Variants in SMTN observed in about 807,000 individuals in gnomAD.
SMTN encodes the protein smoothelin.
A neutral mutation model predicts 102.0 loss-of-function variants in SMTN; 58 were observed. The observed-to-expected ratio is 0.57, with a 90% CI of 0.46 to 0.71. The LOEUF (loss-of-function observed/expected upper bound fraction) is 0.71. SMTN is among the 30% of genes least tolerant of loss of function. SMTN has a pLI of 0.00. For missense variants in SMTN, 1,185 were observed against 1,241.7 expected, an observed-to-expected ratio of 0.95 and a Z score of 0.69; for synonymous variants, 478 against 497.9, an observed-to-expected ratio of 0.96 and a Z score of 0.53.
At chr22:31,088,325 C>T (rs2042856832) in intron 3 of SMTN, 188 bp from the exon 4 acceptor site, 9 of 755,624 alleles carry the variant, frequency 1.2e-5, no homozygotes, top group Admixed American at 2.8e-5. Flanking sequence ...GTAGCCAGCA[C>T]GTCTGAGTGT....
intron 1 of SMTN, chr22:31,082,899 C>T: frequency 1.3e-6 from 2 of 1,548,340 alleles, no homozygotes; most frequent in Non-Finnish European, 1.7e-6. Context: ...CCCTGCCCTC[C>T]CTGTTTTGAG....
rs1257016915 is a variant in SMTN, at chr22:31,073,011, C to CTCTTTT, written c.-385-7438_-385-7437insCTTTTT. 8.2e-5 allele frequency among the ~76,000 whole-genome samples: 7 copies of CTCTTTT among 85,662 alleles called. No individual in the cohort carries two copies. In the South Asian group the frequency reaches 1.3e-3, roughly 16 times the overall value. 56.2% of individuals were successfully genotyped at this position (85,662 alleles called of 152,430 possible). A position where few individuals can be genotyped will look rare whatever the true frequency, so the allele number is the denominator to read the frequency against. The stretch of plus-strand genomic sequence containing the variant: ...GCTGAAGTTGATTCTCTCTCTCTCT[C>CTCTTTT]TTTTTTTTTTTTTTTTTTTTTGAGA... On this transcript the variant is annotated intron_variant, in intron 1 of 3. Transcript: ENST00000422839.
At chr22:31,067,853 T>G (rs1221806109) in intron 1 of SMTN, 1 of 149,286 alleles carries the variant, frequency 6.7e-6, no homozygotes, top group Non-Finnish European at 1.5e-5. Context: ...CCACCGCGCC[T>G]GGCCCACACC....
Position 31,087,884 on chromosome 22 carries a change from C to T in SMTN, c.52-81C>T, listed in dbSNP as rs143187775. 1.5e-3 allele frequency: 2,073 copies of T among 1,418,430 alleles called. 1 individual carries two copies. The highest frequency in any genetic ancestry group is 1.8e-3 in the Non-Finnish European group (1,884 of 1,057,598). The allele number at this position is 1,418,430 out of a possible 1,614,324, so 87.9% of individuals were successfully genotyped here. Reference sequence around the variant, plus strand: ...GAGTGGACACAGGCCACACATTGTGCCCTAGGCAGAGCCGTGGGCAGCTGG... The same window carrying T: ...GAGTGGACACAGGCCACACATTGTGTCCTAGGCAGAGCCGTGGGCAGCTGG... On this transcript the variant is annotated intron_variant, in intron 2 of 20. Coordinates refer to ENST00000333137, the MANE Select transcript of SMTN (RefSeq NM_134269.3).
At chr22:31,071,538 G>A (rs1327147782) in intron 1 of SMTN, among the ~76,000 whole-genome samples, 1 of 151,900 alleles carries the variant, frequency 6.6e-6, no homozygotes, top group Non-Finnish European at 1.5e-5. Context: ...GATCGCTTGA[G>A]CCCAGGAGGT....
chr22:31,088,674 C>T lies in SMTN; in HGVS notation c.295-25C>T, dbSNP rs1428832538. On this transcript the variant is annotated intron_variant, in intron 4 of 20. Coordinates refer to ENST00000333137, the MANE Select transcript of SMTN (RefSeq NM_134269.3). ...AAGACCTGGACTCCACAGCCCAACA[C>T]CCGCGACCTGTCTCTTACCCACAGT... 7.4e-6 allele frequency: 12 copies of T among 1,613,538 alleles called. No individual in the cohort carries two copies. In the Admixed American group the frequency reaches 2.0e-4, roughly 27 times the overall value.
At chr22:31,094,520 T>C (rs931268675) in intron 11 of SMTN, among the ~76,000 whole-genome samples, 1 of 152,176 alleles carries the variant, frequency 6.6e-6, no homozygotes, top group South Asian at 2.1e-4. Flanking sequence ...AGAGCCTGCC[T>C]GGGAGGGGGC....
rs2042432130 is a variant in SMTN, at chr22:31,083,257, A to G, written c.-2A>G. The G allele has an allele frequency of 6.3e-7, 1 of 1,598,136 alleles. No homozygotes were observed. On this transcript the variant is annotated 5_prime_UTR_variant, in exon 2 of 21. Transcript: ENST00000333137. ...GAACCGACGGAGCTAGGGGCCAGCGAGATGGCGGACGAGGCCTTAGCTGGG... is the reference window on the plus strand; with the variant it reads ...GAACCGACGGAGCTAGGGGCCAGCGGGATGGCGGACGAGGCCTTAGCTGGG...
At position 31,088,004 on chromosome 22, in the gene SMTN, C is replaced by T. The variant is rs372195869; in HGVS notation, c.91C>T (p.Arg31Cys). Residue 31 changes from arginine to cysteine, a missense_variant, in exon 3 of 21, where the codon CGC (arginine) becomes TGC (cysteine). Transcript: ENST00000333137. ...AGATCTGGCAGAGCGGCGGCGCATC[C>T]GCTCAGCCATCCGGGAACTGCAGCG... ...TADLAERRRI[R>C]SAIRELQRQE... 13 of 1,609,556 alleles carry T rather than the reference C, an allele frequency of 8.1e-6. No homozygotes were observed. The East Asian group carries it at 8.9e-5, about 11-fold the overall frequency.
rs116479877 is a variant in SMTN at position 31,096,837 on chromosome 22, C to A, written c.1966C>A (p.Arg656=). ...ATETTTRHSQ[R]AADGSAVSTV... The stretch of plus-strand genomic sequence containing the variant: ...TGAGACCACCACGAGGCACAGCCAG[C>A]GGGCAGCTGATGGCTCTGCTGTCAG... The change falls in exon 14 of 21, where the codon CGG becomes AGG. Residue 656 remains arginine (R), a synonymous_variant. Transcript: ENST00000333137. The A allele has an allele frequency of 1.3e-6, 2 of 1,574,548 alleles. No homozygotes were observed. Among genetic ancestry groups the A allele is most frequent in the East Asian group, 4.5e-5 (2 of 44,372 alleles).
In SMTN at chr22:31,101,016, CCA is replaced by C; in HGVS notation, c.2736_2737del (p.Lys914ValfsTer31). On this transcript the variant is annotated frameshift_variant, in exon 20 of 21. Transcript: ENST00000333137. LOFTEE classifies it high-confidence loss of function. ...CTGGTCCAGAAGGGGCTGGTAAAAA[CCA>C]AAAAGTCCTAACCCCTGCTCGGGGC... The C allele has an allele frequency of 6.2e-7, 1 of 1,612,350 alleles. No homozygotes were observed. Among genetic ancestry groups the C allele is most frequent in the Non-Finnish European group, 8.5e-7 (1 of 1,179,272 alleles).
chr22:31,096,970 A>C (rs1229955687), intron 14 of SMTN, 28 bp from the exon 15 acceptor site: 1 of 1,613,820 alleles, frequency 6.2e-7, no homozygotes, highest in East Asian at 2.2e-5. Context: ...TGTGCCTTTC[A>C]CATCCTTCTC....
intron 14 of SMTN, 42 bp downstream of exon 14, chr22:31,096,939 A>G: frequency 6.2e-7 from 1 of 1,612,948 alleles, no homozygotes; most frequent in Non-Finnish European, 8.5e-7. Context: ...CAGGGTGGGA[A>G]CACATCCTCC....
In SMTN at chr22:31,095,261, C is replaced by T. The variant is rs1569260551; in HGVS notation, c.1633-42C>T. 6.2e-7 allele frequency: 1 copy of T among 1,604,682 alleles called. No homozygotes were observed. ...CATTGGAGACATGATGAGTTTCACC[C>T]ATACCCCTGCTTAAAGTCCATGCCC... is the stretch of plus-strand genomic sequence containing the variant. On this transcript the variant is annotated intron_variant, in intron 11 of 20. Coordinates refer to ENST00000333137, the MANE Select transcript of SMTN (RefSeq NM_134269.3). This position sits in a 1 kb window ranked among gnomAD's most constrained non-coding sequence, Gnocchi z 4.1.
At chr22:31,093,993 G>A (rs2043359896) in intron 11 of SMTN, 1 of 727,268 alleles carries the variant, frequency 1.4e-6, no homozygotes, top group African/African-American at 1.8e-5. Flanking sequence ...ACAGGGGACT[G>A]GGGCACTAGT....
In SMTN at chr22:31,082,442, T is replaced by A. The variant is rs549831966; in HGVS notation, c.-80-737T>A. On this transcript the variant is annotated intron_variant, in intron 1 of 20. Transcript: ENST00000333137. ...GGAGATGACGAAGATTTTGATTACA[T>A]CCTTCTCTGCCCTCTAAGTCTTTGG... The A allele has an allele frequency of 2.0e-5, 9 of 458,930 alleles. No individual in the cohort carries two copies. In the East Asian group the frequency reaches 6.3e-4, roughly 32 times the overall value. The allele number at this position is 458,930 out of a possible 1,614,324, so 28.4% of individuals were successfully genotyped here.
chr22:31,088,412 CT>C, intron 3 of SMTN, 100 bp from the exon 4 acceptor site: 24 of 1,051,836 alleles, frequency 2.3e-5, no homozygotes, highest in Admixed American at 1.6e-4. Context: ...ACATGCCCTT[CT>C]GCCAAGGTTC....
intron 16 of SMTN, 59 bp from the exon 17 acceptor site, chr22:31,098,608 G>C: frequency 6.4e-7 from 1 of 1,564,188 alleles, no homozygotes; most frequent in Non-Finnish European, 8.7e-7. Context: ...GCGAGTGGTG[G>C]TCCAGGCTGG....
chr22:31,086,370 T>C (rs2147615851), intron 2 of SMTN, among the ~76,000 whole-genome samples: 1 of 152,288 alleles, frequency 6.6e-6, no homozygotes, highest in African/African-American at 2.4e-5. Flanking sequence ...GACTTCAATC[T>C]CCTCATCTGT....
Sources: allele counts gnomAD v4.1 joint callset (sites outside exome capture counted in the v4.1 genomes callset), GRCh38; gene constraint gnomAD v4.1.1; non-coding constraint Gnocchi (gnomAD v3.1); transcripts MANE v1.5; gene names NCBI Gene and HGNC (gene_info 2026-07-23, HGNC 2026-07-21).